Variants in DLGAP3 observed in about 807,000 individuals in gnomAD.
DLGAP3 encodes disks large-associated protein 3.
DLGAP3 carries 17 observed loss-of-function variants against 81.2 expected under a neutral mutation model. The ratio of observed to expected loss-of-function variants is 0.21; its 90% CI spans 0.14 to 0.31. The LOEUF is 0.31. Among genes scored for constraint, DLGAP3 ranks in the 10% least tolerant of loss-of-function variants. The pLI is 1.00. For missense variants in DLGAP3, 1,124 were observed against 1,388.0 expected (o/e 0.81, Z 3.02); for synonymous variants, 577 against 587.4 (o/e 0.98, Z 0.26).
At chr1:34,883,289 GATGA>G (rs1639171582) in intron 8 of DLGAP3, among the ~76,000 whole-genome samples, 1 of 152,210 alleles carries the variant, frequency 6.6e-6, no homozygotes, top group African/African-American at 2.4e-5. Flanking sequence ...GTAAGTATCT[GATGA>G]ATGAATGAAT....
intron 1 of DLGAP3, among the ~76,000 whole-genome samples, chr1:34,925,794 T>G (rs1639864662): frequency 6.6e-6 from 1 of 152,036 alleles, no homozygotes; most frequent in Non-Finnish European, 1.5e-5. Context: ...CCCAGCCCAC[T>G]TCCACTCTGA....
rs1211436930 is a variant in DLGAP3 at position 34,904,506 on chromosome 1, T to C, written c.878A>G (p.Asp293Gly). The C allele has an allele frequency of 1.9e-6, 3 of 1,614,164 alleles. No individual in the cohort carries two copies. The South Asian group carries it at 3.3e-5, about 18-fold the overall frequency. Reference sequence around the variant, plus strand: ...GAAGCTCAAGTCCCGGTAGGACCCATCTGGACCCTCCAGGCAGAAGGGACC... The same window carrying C: ...GAAGCTCAAGTCCCGGTAGGACCCACCTGGACCCTCCAGGCAGAAGGGACC... ...PGGPFCLEGP[D>G]GSYRDLSFKG... The change falls in exon 3 of 12, where the codon GAT (aspartate) becomes GGT (glycine). Residue 293 changes from aspartate (D) to glycine (G), a missense_variant. This residue lies in a region of DLGAP3 where 357 missense variants were observed against 408.8 expected (regional missense o/e 0.87). Coordinates refer to ENST00000373347, the MANE Select transcript of DLGAP3 (RefSeq NM_001080418.3). The surrounding 1 kb of genome is among the most constrained non-coding windows in gnomAD (Gnocchi z 8.1).
In DLGAP3 at chr1:34,868,019, G is replaced by A. The variant is rs1638912910; in HGVS notation, c.2486-392C>T. On this transcript the variant is annotated intron_variant, in intron 9 of 11. Coordinates refer to ENST00000373347, the MANE Select transcript of DLGAP3 (RefSeq NM_001080418.3). The surrounding 1 kb of genome is among the most constrained non-coding windows in gnomAD (Gnocchi z 7.5). Reference sequence around the variant, plus strand: ...TCCCCAGTGCATGCAAGACTCCTTGGCTCTTTAAGAATGACCAAGTAATTT... The same window carrying A: ...TCCCCAGTGCATGCAAGACTCCTTGACTCTTTAAGAATGACCAAGTAATTT... Among the ~76,000 whole-genome samples, 1 of 152,156 alleles carries A rather than the reference G, an allele frequency of 6.6e-6. No individual in the cohort carries two copies. Among genetic ancestry groups the A allele is most frequent in the East Asian group, 1.9e-4 (1 of 5,194 alleles).
rs777903943 is a variant in DLGAP3, at chr1:34,896,587, A to T, written c.1386+3082T>A. On this transcript the variant is annotated intron_variant, in intron 5 of 11. Transcript: ENST00000373347. The stretch of plus-strand genomic sequence containing the variant: ...CTGGGCAACAGAGCCAGACTCCATC[A>T]CACACACACACACACACACACACAC... 4.2e-4 allele frequency among the ~76,000 whole-genome samples: 38 copies of T among 90,908 alleles called. No homozygotes were observed. In the South Asian group the frequency reaches 5.1e-3, roughly 12 times the overall value. 59.6% of individuals were successfully genotyped at this position (90,908 alleles called of 152,430 possible). A position where few individuals can be genotyped will look rare whatever the true frequency, so the allele number is the denominator to read the frequency against.
intron 8 of DLGAP3, among the ~76,000 whole-genome samples, chr1:34,871,047 T>C (rs1018930861): frequency 6.6e-6 from 1 of 152,162 alleles, no homozygotes; most frequent in Non-Finnish European, 1.5e-5. Context: ...TCTCTAAAAT[T>C]ATATTTTGCA....
Position 34,904,480 on chromosome 1 carries a change from T to G in DLGAP3, c.904A>C (p.Lys302Gln). 6.2e-7 allele frequency: 1 copy of G among 1,614,184 alleles called. No homozygotes were observed. The highest frequency in any genetic ancestry group is 1.1e-5 in the South Asian group (1 of 91,082). Residue 302 changes from lysine (K) to glutamine (Q), a missense_variant, in exon 3 of 12, where the codon AAG (lysine) becomes CAG (glutamine). Physicochemically the swap from Lys to Gln is moderately conservative, Grantham distance 53. Transcript: ENST00000373347. This position sits in a 1 kb window ranked among gnomAD's most constrained non-coding sequence, Gnocchi z 8.1. The stretch of plus-strand genomic sequence containing the variant: ...CCTTCCGACCCGCCCGAGCGCCCCT[T>G]GAAGCTCAAGTCCCGGTAGGACCCA... Reference protein sequence around the residue: ...PDGSYRDLSFKGRSGGSEGRC... With the variant: ...PDGSYRDLSFQGRSGGSEGRC...
chr1:34,909,514 C>G (rs754750225), intron 1 of DLGAP3, among the ~76,000 whole-genome samples: 3 of 152,204 alleles, frequency 2.0e-5, no homozygotes, highest in Non-Finnish European at 2.9e-5. Context: ...CTTACAAACT[C>G]TAAAACATTA....
At chr1:34,885,844 G>A (rs1639217386) in intron 6 of DLGAP3, 53 bp from the exon 7 acceptor site, 2 of 1,359,334 alleles carry the variant, frequency 1.5e-6, no homozygotes, top group Non-Finnish European at 1.9e-6. Context: ...GCCCTGCCTG[G>A]GTCCTGGGCC....
chr1:34,866,876 G>A (rs1404662801), intron 11 of DLGAP3, among the ~76,000 whole-genome samples, 172 bp downstream of exon 11: 1 of 152,356 alleles, frequency 6.6e-6, no homozygotes, highest in Middle Eastern at 3.4e-3. Flanking sequence ...GACGGCAGTG[G>A]CCACGAGCGT....
intron 1 of DLGAP3, among the ~76,000 whole-genome samples, chr1:34,924,886 A>G (rs1569673538): frequency 6.6e-6 from 1 of 152,170 alleles, no homozygotes; most frequent in African/African-American, 2.4e-5. Context: ...ATGCCCTTGG[A>G]AAGTGGGTCA....
chr1:34,893,034 CG>C (rs1639337948), intron 5 of DLGAP3, among the ~76,000 whole-genome samples: 1 of 151,410 alleles, frequency 6.6e-6, no homozygotes, highest in Admixed American at 6.6e-5. Context: ...TAGCCGGGCG[CG>C]GTGGCGGGCG....
chr1:34,866,281 C>T lies in DLGAP3; in HGVS notation c.2742G>A (p.Pro914=). Residue 914 remains proline (P), a synonymous_variant, in exon 12 of 12, where the codon CCG becomes CCA. Transcript: ENST00000373347. ...LEPKEEKKVP[P]PIPKKPLRGR... The stretch of plus-strand genomic sequence containing the variant: ...CCCGCAGGGGCTTCTTTGGTATCGG[C>T]GGAGGGACCTTCTTCTCCTCCTGCG... 2 of 1,534,744 alleles carry T rather than the reference C, an allele frequency of 1.3e-6. No individual in the cohort carries two copies. The highest frequency in any genetic ancestry group is 1.2e-5 in the South Asian group (1 of 84,314).
chr1:34,923,317 C>T (rs974217170), intron 1 of DLGAP3, among the ~76,000 whole-genome samples: 2 of 152,150 alleles, frequency 1.3e-5, no homozygotes, highest in Non-Finnish European at 2.9e-5. Flanking sequence ...ATCAGTGAAT[C>T]CCTCCCTTCC....
At chr1:34,919,257 T>A (rs1404547270) in intron 1 of DLGAP3, among the ~76,000 whole-genome samples, 1 of 152,060 alleles carries the variant, frequency 6.6e-6, no homozygotes, top group Non-Finnish European at 1.5e-5. Flanking sequence ...TCAAAGAGGA[T>A]CTTAGGCCTT....
At chr1:34,898,542 C>T (rs1639409176) in intron 5 of DLGAP3, among the ~76,000 whole-genome samples, 1 of 152,216 alleles carries the variant, frequency 6.6e-6, no homozygotes, top group Non-Finnish European at 1.5e-5. Context: ...TGAGAGACTG[C>T]AGCAGTGAAC....
rs139222725 is a variant in DLGAP3, at chr1:34,873,197, C to T, written c.2001-4108G>A. Among the ~76,000 whole-genome samples, 52 of 152,240 alleles carry T rather than the reference C, an allele frequency of 3.4e-4. No homozygotes were observed. The highest frequency in any genetic ancestry group is 1.1e-3 in the African/African-American group (47 of 41,536). On this transcript the variant is annotated intron_variant, in intron 8 of 11. Transcript: ENST00000373347. This position sits in a 1 kb window ranked among gnomAD's most constrained non-coding sequence, Gnocchi z 4.2. Reference sequence around the variant, plus strand: ...GTTGACTCCTAAGATGAAGGCAGGGCTGGTGGAAGAGACAAGGGAAGATAT... The same window carrying T: ...GTTGACTCCTAAGATGAAGGCAGGGTTGGTGGAAGAGACAAGGGAAGATAT...
chr1:34,866,614 C>T (rs777025851), intron 11 of DLGAP3, among the ~76,000 whole-genome samples: 4 of 152,208 alleles, frequency 2.6e-5, no homozygotes, highest in South Asian at 2.1e-4. Context: ...ACCCAGGCTC[C>T]GCAATGAGGG....
At position 34,868,752 on chromosome 1, in the gene DLGAP3, G is replaced by C. The variant is rs771794556; in HGVS notation, c.2338C>G (p.Arg780Gly). The C allele has an allele frequency of 1.9e-6, 3 of 1,607,052 alleles. No individual in the cohort carries two copies. The highest frequency in any genetic ancestry group is 4.5e-5 in the East Asian group (2 of 44,860). ...RRDSWIERGS[R>G]SLPDSGRASP... The stretch of plus-strand genomic sequence containing the variant: ...GCGCGGCCTGAGTCGGGGAGGCTAC[G>C]TGAACCGCGCTCTATCCAGGAGTCA... The change falls in exon 9 of 12, where the codon CGT becomes GGT. Residue 780 changes from arginine to glycine, a missense_variant. Arg to Gly is a moderately radical substitution (Grantham distance 125). Transcript: ENST00000373347. This position sits in a 1 kb window ranked among gnomAD's most constrained non-coding sequence, Gnocchi z 7.5.
chr1:34,909,398 G>A (rs553445859), intron 1 of DLGAP3, among the ~76,000 whole-genome samples: 7 of 152,272 alleles, frequency 4.6e-5, no homozygotes, highest in South Asian at 2.1e-4. Context: ...AGACCAGAAC[G>A]TATGTGACAC....
Sources: allele counts gnomAD v4.1 joint callset (sites outside exome capture counted in the v4.1 genomes callset), GRCh38; gene constraint gnomAD v4.1.1; regional missense constraint gnomAD v4.1.1; non-coding constraint Gnocchi (gnomAD v3.1); transcripts MANE v1.5; gene names NCBI Gene and HGNC (gene_info 2026-07-23, HGNC 2026-07-21).